The following FBLN5 variants were observed in gnomAD, a reference collection of about 807,000 sequenced individuals.
FBLN5 encodes fibulin 5, also known as fibulin-5.
In FBLN5, 24 loss-of-function variants were observed where a neutral mutation model predicts 61.6. That is an observed-to-expected ratio of 0.39 (90% confidence interval 0.28 to 0.55). The LOEUF (loss-of-function observed/expected upper bound fraction) is 0.55. Ranked by LOEUF, FBLN5 falls within the 20% of genes least tolerant of loss-of-function variation. FBLN5 has a pLI of 0.65. For missense variants in FBLN5, 470 were observed against 594.1 expected (o/e 0.79, Z 2.17); for synonymous variants, 213 against 219.8 (o/e 0.97, Z 0.27).
At chr14:91,880,558 TG>T (rs1889387630) in intron 9 of FBLN5, among the ~76,000 whole-genome samples, 1 of 150,876 alleles carries the variant, frequency 6.6e-6, no homozygotes, top group African/African-American at 2.4e-5. Flanking sequence ...TGTGTGTGTG[TG>T]TGTTTTGAGA....
chr14:91,907,524 C>T (rs1890732016), intron 4 of FBLN5, among the ~76,000 whole-genome samples: 1 of 152,118 alleles, frequency 6.6e-6, no homozygotes, highest in Admixed American at 6.5e-5. Flanking sequence ...ACATGAGAGG[C>T]ACTGTACAGT....
intron 4 of FBLN5, among the ~76,000 whole-genome samples, chr14:91,900,260 A>C (rs990271012): frequency 5.3e-5 from 8 of 152,242 alleles, no homozygotes; most frequent in Non-Finnish European, 1.2e-4. Flanking sequence ...ATAGGCAGTT[A>C]TAACAGACTT....
chr14:91,894,529 T>G (rs1429835332), intron 5 of FBLN5, among the ~76,000 whole-genome samples: 3 of 150,542 alleles, frequency 2.0e-5, no homozygotes, highest in Non-Finnish European at 4.4e-5. Context: ...AAGACCAGCC[T>G]GGCCAACATG....
intron 4 of FBLN5, among the ~76,000 whole-genome samples, chr14:91,914,847 T>G (rs186697375): frequency 2.0e-5 from 3 of 152,108 alleles, no homozygotes. Flanking sequence ...TTTGTTTTGT[T>G]TTTTGTTTTT....
chr14:91,889,709 G>A (rs182885659), intron 6 of FBLN5, among the ~76,000 whole-genome samples: 123 of 152,364 alleles, frequency 8.1e-4, no homozygotes, highest in African/African-American at 2.5e-3. Context: ...AAAGCTCACC[G>A]GAGTATGCGA....
chr14:91,883,132 G>T, intron 7 of FBLN5, 56 bp from the exon 8 acceptor site: 4 of 1,595,980 alleles, frequency 2.5e-6, no homozygotes, highest in Non-Finnish European at 3.4e-6. Flanking sequence ...GGGGATGGGA[G>T]CTTAGTGGCC....
At chr14:91,870,851 A>G (rs2139937952) in intron 10 of FBLN5, among the ~76,000 whole-genome samples, 1 of 152,338 alleles carries the variant, frequency 6.6e-6, no homozygotes, top group East Asian at 1.9e-4. Flanking sequence ...CAGAAAACAT[A>G]TATTGAATGA....
intron 4 of FBLN5, among the ~76,000 whole-genome samples, chr14:91,919,385 GAAA>G (rs1234333870): frequency 8.5e-5 from 12 of 141,214 alleles, no homozygotes; most frequent in South Asian, 4.7e-4. Context: ...AGAAAAGAAA[GAAA>G]GAAAGGAAGG....
intron 10 of FBLN5, among the ~76,000 whole-genome samples, chr14:91,876,498 T>C (rs1289472541): frequency 6.6e-6 from 1 of 152,146 alleles, no homozygotes; most frequent in East Asian, 1.9e-4. Flanking sequence ...ATTAAGAATC[T>C]GGACAGAGAG....
At chr14:91,895,582 T>C (rs1023499591) in intron 4 of FBLN5, among the ~76,000 whole-genome samples, 1 of 151,968 alleles carries the variant, frequency 6.6e-6, no homozygotes, top group African/African-American at 2.4e-5. Context: ...GTGGATCATC[T>C]GAGCTCAGGA....
At chr14:91,887,340 C>T in intron 6 of FBLN5, 28 bp from the exon 7 acceptor site, 1 of 1,610,146 alleles carries the variant, frequency 6.2e-7, no homozygotes, top group Non-Finnish European at 8.5e-7. Flanking sequence ...ACATTGCTGA[C>T]TGTCCTCCCA....
intron 9 of FBLN5, among the ~76,000 whole-genome samples, chr14:91,880,087 G>A (rs924822421): frequency 4.6e-5 from 7 of 152,324 alleles, no homozygotes; most frequent in East Asian, 1.9e-4. Context: ...AATATTTGCC[G>A]TCTGGTGATT....
At position 91,870,258 on chromosome 14, in the gene FBLN5, C is replaced by T. The variant is rs772620656; in HGVS notation, c.1313G>A (p.Arg438Gln). 12 of 1,614,104 alleles carry T rather than the reference C, an allele frequency of 7.4e-6. No homozygotes were observed. The South Asian group carries it at 7.7e-5, about 10-fold the overall frequency. The change falls in exon 11 of 11, where the codon CGA (arginine) becomes CAA (glutamine). Residue 438 changes from arginine (R) to glutamine (Q), a missense_variant. Physicochemically the swap from Arg to Gln is conservative, Grantham distance 43. Coordinates refer to ENST00000342058, the MANE Select transcript of FBLN5 (RefSeq NM_006329.4). ...GTACTGCGACACATATATCCGCAGT[C>T]GGATCACGGAGCTGCCTCTGAAGTT... The part of the protein sequence containing the change: ...VINFRGSSVI[R>Q]LRIYVSQYPF
intron 4 of FBLN5, among the ~76,000 whole-genome samples, chr14:91,931,766 G>A (rs548099562): frequency 3.5e-4 from 54 of 152,220 alleles, no homozygotes; most frequent in Non-Finnish European, 8.8e-5. Flanking sequence ...ATGACAAGTT[G>A]AGCCCCCAAG....
At position 91,870,019 on chromosome 14, in the gene FBLN5, A is replaced by T. The variant is rs2139936207; in HGVS notation, c.*205T>A. ...GATAATACTTTTTGATAACTGTGTC[A>T]TAGGAACTGGGGGTGGCAAGTCCTG... On this transcript the variant is annotated 3_prime_UTR_variant, in exon 11 of 11. Transcript: ENST00000342058. The T allele has an allele frequency of 1.6e-6, 1 of 616,414 alleles. No homozygotes were observed. The highest frequency in any genetic ancestry group is 1.8e-5 in the South Asian group (1 of 54,718). 38.2% of individuals were successfully genotyped at this position (616,414 alleles called of 1,614,324 possible).
chr14:91,938,113 T>C (rs2056049166), intron 3 of FBLN5, among the ~76,000 whole-genome samples: 1 of 152,260 alleles, frequency 6.6e-6, no homozygotes, highest in African/African-American at 2.4e-5. Flanking sequence ...TCTCCACTTC[T>C]ACTTCAAGTA....
intron 1 of FBLN5, among the ~76,000 whole-genome samples, chr14:91,946,387 G>T (rs1028305152): frequency 1.1e-4 from 17 of 152,112 alleles, no homozygotes; most frequent in African/African-American, 4.1e-4. Flanking sequence ...TCTAAAGCAG[G>T]TGGGTTCGCC....
chr14:91,941,931 C>T (rs762600900), intron 2 of FBLN5: 11 of 345,336 alleles, frequency 3.2e-5, no homozygotes, highest in South Asian at 8.8e-5. Context: ...CTTAGAAAAC[C>T]GCAAGGTCTA....
intron 4 of FBLN5, among the ~76,000 whole-genome samples, chr14:91,913,182 T>C (rs953267630): frequency 2.0e-5 from 3 of 152,184 alleles, no homozygotes; most frequent in African/African-American, 7.2e-5. Flanking sequence ...AGATGGTTCG[T>C]GTACAGAACA....
Sources: allele counts gnomAD v4.1 joint callset (sites outside exome capture counted in the v4.1 genomes callset), GRCh38; gene constraint gnomAD v4.1.1; transcripts MANE v1.5; gene names NCBI Gene and HGNC (gene_info 2026-07-23, HGNC 2026-07-21).